The following COPG2 variants were observed in gnomAD, a reference collection of about 807,000 sequenced individuals.
COPG2 encodes coat protein complex I subunit gamma 2.
In COPG2, 37 loss-of-function variants were observed where a neutral mutation model predicts 46.3. The observed-to-expected ratio is 0.80, with a 90% CI of 0.61 to 1.05. The LOEUF (loss-of-function observed/expected upper bound fraction) is 1.05, where lower values mean the gene tolerates loss of function less well. COPG2 is among the 50% of genes least tolerant of loss of function. COPG2 has a pLI of 0.00. For missense variants in COPG2, 427 were observed against 387.8 expected, an observed-to-expected ratio of 1.10 and a Z score of -0.85; for synonymous variants, 159 against 129.7, an observed-to-expected ratio of 1.23 and a Z score of -1.53.
At chr7:130,663,799 C>T (rs781989341) in intron 3 of COPG2, among the ~76,000 whole-genome samples, 2 of 132,578 alleles carry the variant, frequency 1.5e-5, no homozygotes, top group African/African-American at 2.8e-5. Flanking sequence ...AGTGCAATGG[C>T]GCAATCTTGG....
At chr7:130,514,462 C>T (rs1799660785) in intron 20 of COPG2, among the ~76,000 whole-genome samples, 1 of 152,152 alleles carries the variant, frequency 6.6e-6, no homozygotes, top group African/African-American at 2.4e-5. Flanking sequence ...ATTAAAGTTA[C>T]TCTTAGAAGT....
intron 9 of COPG2, among the ~76,000 whole-genome samples, chr7:130,589,603 A>G (rs1182864990): frequency 6.6e-6 from 1 of 152,180 alleles, no homozygotes; most frequent in African/African-American, 2.4e-5. Context: ...TTTTTAATAG[A>G]CACTACCAAA....
chr7:130,665,723 A>G (rs572096946), intron 3 of COPG2, among the ~76,000 whole-genome samples: 78 of 152,204 alleles, frequency 5.1e-4, no homozygotes, highest in African/African-American at 1.1e-3. Context: ...TTAGTATCCA[A>G]TGGAGGTCCT....
At chr7:130,517,249 G>A (rs933501210) in intron 20 of COPG2, among the ~76,000 whole-genome samples, 2 of 152,188 alleles carry the variant, frequency 1.3e-5, no homozygotes, top group Non-Finnish European at 2.9e-5. Flanking sequence ...CTGGCTAGCT[G>A]AGTAAAGGAC....
chr7:130,666,877 A>C lies in COPG2; in HGVS notation c.143T>G (p.Leu48Arg). 6.4e-7 allele frequency: 1 copy of C among 1,558,198 alleles called. No homozygotes were observed. Among genetic ancestry groups the C allele is most frequent in the South Asian group, 1.2e-5 (1 of 85,788 alleles). ...PINPRRCLHI[L>R]TKILYLLNQG... Reference sequence around the variant, plus strand: ...GTTCAGTAAGTAAAGAATCTTTGTAAGAATATGCAAACATCTTCTTGGATT... The same window carrying C: ...GTTCAGTAAGTAAAGAATCTTTGTACGAATATGCAAACATCTTCTTGGATT... Residue 48 changes from leucine to arginine, a missense_variant, in exon 3 of 24, where the codon CTT becomes CGT. Physicochemically the swap from Leu to Arg is moderately radical, Grantham distance 102. Coordinates refer to ENST00000425248, the MANE Select transcript of COPG2 (RefSeq NM_012133.6).
At chr7:130,578,011 C>T (rs2116431349) in intron 9 of COPG2, among the ~76,000 whole-genome samples, 1 of 152,382 alleles carries the variant, frequency 6.6e-6, no homozygotes, top group South Asian at 2.1e-4. Flanking sequence ...TCAAGGAGGC[C>T]TGCCTGCCTC....
At chr7:130,563,800 T>TG in intron 10 of COPG2, among the ~76,000 whole-genome samples, 1 of 150,254 alleles carries the variant, frequency 6.7e-6, no homozygotes, top group African/African-American at 2.4e-5. Context: ...AAAGCACTTT[T>TG]GGTCAGTTAT....
chr7:130,566,946 AT>A (rs1176875966), intron 9 of COPG2, among the ~76,000 whole-genome samples: 17 of 152,196 alleles, frequency 1.1e-4, no homozygotes. Flanking sequence ...AGGCCCTCCT[AT>A]GTTCACTGCA....
intron 5 of COPG2, among the ~76,000 whole-genome samples, chr7:130,648,761 G>A (rs973500170): frequency 5.9e-5 from 9 of 152,202 alleles, no homozygotes; most frequent in Non-Finnish European, 1.2e-4. Flanking sequence ...CCACCCTACA[G>A]GACTGCCCTT....
At chr7:130,594,466 G>A (rs899855247) in intron 9 of COPG2, among the ~76,000 whole-genome samples, 1 of 152,148 alleles carries the variant, frequency 6.6e-6, no homozygotes, top group Non-Finnish European at 1.5e-5. Context: ...TGGTTTCTTA[G>A]GGGTAATACC....
At chr7:130,627,796 G>A (rs1457164902) in intron 5 of COPG2, among the ~76,000 whole-genome samples, 2 of 148,844 alleles carry the variant, frequency 1.3e-5, no homozygotes, top group Non-Finnish European at 3.0e-5. Context: ...TTCGGGGGGC[G>A]GGGTGCGGTT....
At chr7:130,599,543 AC>A (rs1195107468) in intron 9 of COPG2, among the ~76,000 whole-genome samples, 1 of 149,964 alleles carries the variant, frequency 6.7e-6, no homozygotes, top group African/African-American at 2.5e-5. Flanking sequence ...GCAGCCCCAA[AC>A]CCCCCTTGTA....
At chr7:130,619,537 T>C (rs1346840173) in intron 5 of COPG2, among the ~76,000 whole-genome samples, 1 of 152,202 alleles carries the variant, frequency 6.6e-6, no homozygotes, top group Admixed American at 6.5e-5. Flanking sequence ...AGTATTATTC[T>C]TTTTGTATTA....
intron 12 of COPG2, among the ~76,000 whole-genome samples, chr7:130,559,655 C>A (rs1793687474): frequency 6.6e-6 from 1 of 152,198 alleles, no homozygotes; most frequent in Non-Finnish European, 1.5e-5. Flanking sequence ...GAAGATCCCA[C>A]TACCACAGGC....
intron 9 of COPG2, among the ~76,000 whole-genome samples, chr7:130,590,599 C>G (rs1423827463): frequency 6.6e-6 from 1 of 152,020 alleles, no homozygotes; most frequent in African/African-American, 2.4e-5. Flanking sequence ...ATGATCTCGG[C>G]TCGCTACAAC....
chr7:130,653,082 A>AT (rs1321278089), intron 4 of COPG2, 134 bp from the exon 5 acceptor site: 1 of 598,430 alleles, frequency 1.7e-6, no homozygotes, highest in African/African-American at 1.9e-5. Context: ...ACCAAAAAAA[A>AT]AAATTAATAT....
intron 9 of COPG2, among the ~76,000 whole-genome samples, chr7:130,572,204 T>C (rs1331937698): frequency 2.6e-5 from 4 of 152,042 alleles, no homozygotes; most frequent in African/African-American, 9.7e-5. Flanking sequence ...AACTTATCCA[T>C]GTAACCAAAC....
chr7:130,533,988 G>GC (rs1236840075), intron 20 of COPG2, among the ~76,000 whole-genome samples: 5 of 150,080 alleles, frequency 3.3e-5, no homozygotes, highest in African/African-American at 7.3e-5. Context: ...GGGTGGGGTG[G>GC]GGGGGGTGGA....
chr7:130,562,738 G>T (rs1364958853), intron 11 of COPG2, among the ~76,000 whole-genome samples: 1 of 152,116 alleles, frequency 6.6e-6, no homozygotes, highest in Non-Finnish European at 1.5e-5. Context: ...TATGTATTAT[G>T]ATAAAATATA....
Sources: gnomAD v4.1 joint callset for allele counts (sites outside exome capture counted in the v4.1 genomes callset) on GRCh38, gnomAD v4.1.1 for gene constraint, MANE v1.5 for transcripts, NCBI Gene and HGNC (gene_info 2026-07-23, HGNC 2026-07-21) for gene names.